Variants in LUZP1 observed in about 807,000 individuals in gnomAD.
LUZP1 encodes the protein filamin mechanobinding actin cross-linking protein.
A neutral mutation model predicts 71.3 loss-of-function variants in LUZP1; 25 were observed. The ratio of observed to expected loss-of-function variants is 0.35; its 90% CI spans 0.26 to 0.49. The LOEUF (loss-of-function observed/expected upper bound fraction) is 0.49, where lower values mean the gene tolerates loss of function less well. Among genes scored for constraint, LUZP1 ranks in the 20% least tolerant of loss-of-function variants. LUZP1 has a pLI of 0.99. For synonymous variants in LUZP1, 481 were observed against 506.4 expected (o/e 0.95, Z 0.67); for missense variants, 1,142 against 1,300.8 (o/e 0.88, Z 1.88).
chr1:23,156,930 TG>T (rs1237949477), intron 2 of LUZP1, among the ~76,000 whole-genome samples: 2 of 152,224 alleles, frequency 1.3e-5, no homozygotes, highest in East Asian at 3.8e-4. Flanking sequence ...TATAAGCACC[TG>T]CACAATGATG....
At position 23,155,685 on chromosome 1, in the gene LUZP1, G is replaced by A. The variant is rs534071461; in HGVS notation, c.-226+13081C>T. On this transcript the variant is annotated intron_variant, in intron 2 of 4. Coordinates refer to ENST00000302291, the Ensembl canonical transcript of LUZP1. ...ACTTAAATGGGCCAGGCGTGGTGGC[G>A]GGTGCCTGTAATCCCAGCTACTCGG... Among the ~76,000 whole-genome samples the A allele has an allele frequency of 6.6e-5, 10 of 151,876 alleles. No homozygotes were observed. In the South Asian group the frequency reaches 8.3e-4, roughly 13 times the overall value.
chr1:23,154,357 C>T (rs1217433393), intron 2 of LUZP1, among the ~76,000 whole-genome samples: 1 of 152,018 alleles, frequency 6.6e-6, no homozygotes, highest in Non-Finnish European at 1.5e-5. Context: ...CATAGCCAGA[C>T]CCCCATCTCT....
At chr1:23,098,689 A>G (rs1643909357) in intron 3 of LUZP1, among the ~76,000 whole-genome samples, 1 of 152,216 alleles carries the variant, frequency 6.6e-6, no homozygotes, top group Admixed American at 6.5e-5. Flanking sequence ...CAATAAGATC[A>G]CATTTAAAAA....
At chr1:23,100,509 A>C (rs1643922898) in intron 3 of LUZP1, among the ~76,000 whole-genome samples, 1 of 152,204 alleles carries the variant, frequency 6.6e-6, no homozygotes, top group Non-Finnish European at 1.5e-5. Flanking sequence ...CATAGACATC[A>C]AAAAACCACA....
intron 2 of LUZP1, among the ~76,000 whole-genome samples, chr1:23,152,782 C>T (rs1298650179): frequency 2.6e-5 from 4 of 152,054 alleles, no homozygotes; most frequent in East Asian, 1.9e-4. Flanking sequence ...CCACCAGCCT[C>T]GACCTCCCAA....
chr1:23,142,279 C>A (rs1644309245), intron 2 of LUZP1, among the ~76,000 whole-genome samples: 1 of 152,162 alleles, frequency 6.6e-6, no homozygotes, highest in South Asian at 2.1e-4. Flanking sequence ...CAGGCATAAA[C>A]CACCACACCT....
chr1:23,146,220 G>C lies in LUZP1; in HGVS notation c.-226+22546C>G, dbSNP rs545310906. ...TTTAGTAGAGACGGGGTTTCACCAT[G>C]TTGGCCAGGATGGTCTCGATCTCTT... On this transcript the variant is annotated intron_variant, in intron 2 of 4. Coordinates refer to ENST00000302291, the Ensembl canonical transcript of LUZP1. 1.6e-4 allele frequency among the ~76,000 whole-genome samples: 24 copies of C among 152,264 alleles called. No homozygotes were observed. In the South Asian group the frequency reaches 5.0e-3, roughly 32 times the overall value.
At chr1:23,118,899 G>T (rs1023948883) in intron 2 of LUZP1, among the ~76,000 whole-genome samples, 1 of 152,068 alleles carries the variant, frequency 6.6e-6, no homozygotes, top group African/African-American at 2.4e-5. Flanking sequence ...TGTCCTTTTG[G>T]TTCTAATATT....
chr1:23,138,695 G>GTA (rs1458999476), intron 2 of LUZP1, among the ~76,000 whole-genome samples: 3 of 109,624 alleles, frequency 2.7e-5, no homozygotes, highest in East Asian at 2.3e-4. Context: ...GTGTGTGTGT[G>GTA]TGTATATATA....
exon 4 of LUZP1, chr1:23,091,869 A>ATAGTAATGC: frequency 1.2e-6 from 2 of 1,614,186 alleles, no homozygotes; most frequent in Non-Finnish European, 1.7e-6. Flanking sequence ...AGATGGATAT[A>ATAGTAATGC]TAGTAATGCT....
intron 1 of LUZP1, among the ~76,000 whole-genome samples, chr1:23,172,395 A>C (rs1644557392): frequency 6.6e-6 from 1 of 152,158 alleles, no homozygotes; most frequent in Non-Finnish European, 1.5e-5. Context: ...GCAGTGGCTC[A>C]CACCTGTAAT....
rs371165342 is a variant in LUZP1, at chr1:23,084,999, G to A, written c.*3896C>T. On this transcript the variant is annotated 3_prime_UTR_variant, in exon 5 of 5. Transcript: ENST00000302291. ...GAGGGAGCTTTATTGGTTACATATT[G>A]TACTGCAGAGCCAACAGAGAGCATT... The A allele has an allele frequency of 1.2e-4, 18 of 152,784 alleles. No individual in the cohort carries two copies. The East Asian group carries it at 3.3e-3, about 28-fold the overall frequency. The allele number at this position is 152,784 out of a possible 1,614,324, so 9.5% of individuals were successfully genotyped here.
intron 2 of LUZP1, among the ~76,000 whole-genome samples, chr1:23,154,369 C>CA (rs968432444): frequency 2.6e-4 from 39 of 149,796 alleles, no homozygotes; most frequent in East Asian, 5.9e-4. Context: ...CCCATCTCTA[C>CA]AAAAAAAAAA....
At chr1:23,146,968 G>A (rs1433213229) in intron 2 of LUZP1, among the ~76,000 whole-genome samples, 1 of 151,672 alleles carries the variant, frequency 6.6e-6, no homozygotes, top group Non-Finnish European at 1.5e-5. Context: ...GTGGTGGCGG[G>A]CAGCTGTAGT....
At position 23,156,366 on chromosome 1, in the gene LUZP1, C is replaced by T. The variant is rs1025626745; in HGVS notation, c.-226+12400G>A. Among the ~76,000 whole-genome samples the T allele has an allele frequency of 5.9e-5, 9 of 152,170 alleles. No individual in the cohort carries two copies. In the South Asian group the frequency reaches 8.3e-4, roughly 14 times the overall value. On this transcript the variant is annotated intron_variant, in intron 2 of 4. Transcript: ENST00000302291. ...CTGCACTCCAGCCTGGGCAACAGAGCGAGACTGTCTCAAAAAATAAAAACA... is the reference window on the plus strand; with the variant it reads ...CTGCACTCCAGCCTGGGCAACAGAGTGAGACTGTCTCAAAAAATAAAAACA...
At chr1:23,145,900 A>G (rs1225791332) in intron 2 of LUZP1, among the ~76,000 whole-genome samples, 1 of 152,252 alleles carries the variant, frequency 6.6e-6, no homozygotes, top group Non-Finnish European at 1.5e-5. Context: ...ATTTGAGTAT[A>G]TATTACTCAA....
downstream of LUZP1, chr1:23,084,026 A>C (rs1643713331): frequency 6.6e-6 from 1 of 152,150 alleles, no homozygotes; most frequent in African/African-American, 2.4e-5. Context: ...ACAAAGTCTG[A>C]GCCTTTGGGA....
intron 2 of LUZP1, among the ~76,000 whole-genome samples, chr1:23,161,948 C>T (rs901669668): frequency 6.1e-5 from 9 of 146,352 alleles, no homozygotes; most frequent in Non-Finnish European, 1.2e-4. Flanking sequence ...ACGGCTTGAA[C>T]CCAGGAGGTG....
At chr1:23,089,661 C>T (rs570749899) in intron 4 of LUZP1, among the ~76,000 whole-genome samples, 5 of 152,224 alleles carry the variant, frequency 3.3e-5, no homozygotes, top group East Asian at 3.9e-4. Context: ...GGCGCAGTCT[C>T]AGCTCACTGC....
Sources: gnomAD v4.1 joint callset for allele counts (sites outside exome capture counted in the v4.1 genomes callset) on GRCh38, gnomAD v4.1.1 for gene constraint, MANE v1.5 for transcripts, NCBI Gene and HGNC (gene_info 2026-07-23, HGNC 2026-07-21) for gene names.